GPC5: variants seen among roughly 807,000 people sequenced by gnomAD.
The protein encoded by GPC5 is glypican-5.
GPC5 carries 47 observed loss-of-function variants against 53.9 expected under a neutral mutation model. That is an observed-to-expected ratio of 0.87 (90% CI 0.69 to 1.11). The LOEUF is 1.11. Ranked by LOEUF, GPC5 falls within the 50% of genes most tolerant of loss-of-function variation. The pLI is 0.00. For synonymous variants in GPC5, 286 were observed against 263.3 expected, an observed-to-expected ratio of 1.09 and a Z score of -0.84; for missense variants, 748 against 713.1, an observed-to-expected ratio of 1.05 and a Z score of -0.56.
At chr13:92,404,526 C>T (rs565843453) in intron 7 of GPC5, among the ~76,000 whole-genome samples, 1 of 152,192 alleles carries the variant, frequency 6.6e-6, no homozygotes, top group Non-Finnish European at 1.5e-5. Flanking sequence ...GCATAATATT[C>T]CTTGTATTCA....
chr13:92,507,300 T>C (rs1450639896), intron 7 of GPC5, among the ~76,000 whole-genome samples: 1 of 152,204 alleles, frequency 6.6e-6, no homozygotes, highest in Non-Finnish European at 1.5e-5. Flanking sequence ...TCTATTTACA[T>C]TTTTACTTTT....
chr13:92,589,538 T>C (rs1171802243), intron 7 of GPC5, among the ~76,000 whole-genome samples: 4 of 152,188 alleles, frequency 2.6e-5, no homozygotes, highest in Non-Finnish European at 4.4e-5. Flanking sequence ...GTTTTATTCT[T>C]CCTAAACATC....
At chr13:91,692,923 C>T (rs758200548) in intron 2 of GPC5, among the ~76,000 whole-genome samples, 4 of 152,276 alleles carry the variant, frequency 2.6e-5, no homozygotes, top group Admixed American at 6.5e-5. Context: ...GAATTACAGG[C>T]GTGAGCCACC....
At position 91,919,261 on chromosome 13, in the gene GPC5, A is replaced by G. The variant is rs181148968; in HGVS notation, c.1401+11204A>G. On this transcript the variant is annotated intron_variant, in intron 6 of 7. Coordinates refer to ENST00000377067, the MANE Select transcript of GPC5 (RefSeq NM_004466.6). Reference sequence around the variant, plus strand: ...CAATTCCTATCTGGATTAGAACAATAGTTTCCAAACCAATTTTACAATCAC... The same window carrying G: ...CAATTCCTATCTGGATTAGAACAATGGTTTCCAAACCAATTTTACAATCAC... Among the ~76,000 whole-genome samples, 815 of 152,324 alleles carry G rather than the reference A, an allele frequency of 5.4e-3. 1 individual carries two copies. The highest frequency in any genetic ancestry group is 0.012 in the South Asian group (57 of 4,834).
At chr13:91,399,582 T>C (rs1174268567) in intron 1 of GPC5, among the ~76,000 whole-genome samples, 1 of 152,162 alleles carries the variant, frequency 6.6e-6, no homozygotes, top group Non-Finnish European at 1.5e-5. Context: ...GGGATTTCGG[T>C]TTACTGCTTT....
At position 91,806,128 on chromosome 13, in the gene GPC5, C is replaced by T. The variant is rs374683360; in HGVS notation, c.1280+49708C>T. Among the ~76,000 whole-genome samples the T allele has an allele frequency of 1.1e-4, 17 of 148,278 alleles. No homozygotes were observed. The South Asian group carries it at 2.8e-3, about 24-fold the overall frequency. On this transcript the variant is annotated intron_variant, in intron 5 of 7. Transcript: ENST00000377067. ...TCTGCTCACTGCAACCTCCACCTCC[C>T]GGATTCAAGCGGTTCTCATACCTCA...
At chr13:91,786,465 A>AT (rs941663644) in intron 5 of GPC5, among the ~76,000 whole-genome samples, 4 of 151,860 alleles carry the variant, frequency 2.6e-5, no homozygotes, top group Admixed American at 1.3e-4. Flanking sequence ...TGCCTATTTG[A>AT]TTTTTTTATT....
At chr13:92,610,030 CAAAAAAAAAA>C (rs56913637) in intron 7 of GPC5, among the ~76,000 whole-genome samples, 6 of 70,838 alleles carry the variant, frequency 8.5e-5, no homozygotes, top group Non-Finnish European at 1.5e-4. Flanking sequence ...GACTCCATCT[CAAAAAAAAAA>C]AAAAAAAAAA....
Position 91,828,347 on chromosome 13 carries a change from ATAGGTAGGTAGGTAGG to A in GPC5, c.1280+71952_1280+71967del, listed in dbSNP as rs144877705. 1.4e-3 allele frequency among the ~76,000 whole-genome samples: 216 copies of A among 150,178 alleles called. No individual in the cohort carries two copies. The East Asian group carries it at 0.015, about 10-fold the overall frequency. ...ATGTCCTTCCAATATAGATAGGTAG[ATAGGTAGGTAGGTAGG>A]TAGGTAGGTAGGTAGGTAGGTAGGA... On this transcript the variant is annotated intron_variant, in intron 5 of 7. Transcript: ENST00000377067.
At chr13:92,848,223 T>C (rs1002372055) in intron 7 of GPC5, among the ~76,000 whole-genome samples, 1 of 152,208 alleles carries the variant, frequency 6.6e-6, no homozygotes, top group African/African-American at 2.4e-5. Context: ...TATTGAATTT[T>C]TGTATCTATC....
At chr13:91,581,012 T>C (rs1472958390) in intron 2 of GPC5, among the ~76,000 whole-genome samples, 1 of 152,048 alleles carries the variant, frequency 6.6e-6, no homozygotes, top group South Asian at 2.1e-4. Flanking sequence ...GAAGAATGAG[T>C]AAAAGAGAAA....
intron 2 of GPC5, among the ~76,000 whole-genome samples, chr13:91,555,096 G>A (rs886290385): frequency 6.6e-6 from 1 of 151,940 alleles, no homozygotes; most frequent in African/African-American, 2.4e-5. Flanking sequence ...AGATTCACAT[G>A]TAGTTATAAG....
intron 7 of GPC5, among the ~76,000 whole-genome samples, chr13:92,539,726 G>A (rs964306777): frequency 1.3e-5 from 2 of 151,512 alleles, no homozygotes; most frequent in Non-Finnish European, 2.9e-5. Context: ...CTTTGCCCCA[G>A]TATCTTGGTA....
chr13:92,665,038 GTAGAGTA>G (rs1886524358), intron 7 of GPC5, among the ~76,000 whole-genome samples: 1 of 152,122 alleles, frequency 6.6e-6, no homozygotes, highest in African/African-American at 2.4e-5. Context: ...AATCGAGTTT[GTAGAGTA>G]TAATTTCATC....
At chr13:92,018,923 A>G (rs1464216165) in intron 6 of GPC5, among the ~76,000 whole-genome samples, 35 of 152,228 alleles carry the variant, frequency 2.3e-4, no homozygotes, top group Admixed American at 2.1e-3. Context: ...ACTTAAAATC[A>G]TGAATATGGT....
chr13:92,652,551 C>T (rs570436912), intron 7 of GPC5, among the ~76,000 whole-genome samples: 6 of 152,016 alleles, frequency 3.9e-5, no homozygotes, highest in South Asian at 4.2e-4. Context: ...CCTTCCTGAC[C>T]GTGGTGGACA....
At chr13:92,170,125 G>T (rs2042058935) in intron 7 of GPC5, among the ~76,000 whole-genome samples, 1 of 151,404 alleles carries the variant, frequency 6.6e-6, no homozygotes, top group African/African-American at 2.4e-5. Flanking sequence ...CTAACATATT[G>T]AAAGAATATA....
At chr13:91,446,473 T>C (rs987171225) in intron 1 of GPC5, among the ~76,000 whole-genome samples, 8 of 152,210 alleles carry the variant, frequency 5.3e-5, no homozygotes, top group Non-Finnish European at 7.3e-5. Context: ...GGTTGTGTAC[T>C]CTTGCTGTCT....
chr13:92,849,864 A>G (rs1232740175), intron 7 of GPC5, among the ~76,000 whole-genome samples: 1 of 152,250 alleles, frequency 6.6e-6, no homozygotes, highest in Admixed American at 6.5e-5. Context: ...AATAGTCTTC[A>G]TATCAAGGAT....
Sources: gnomAD v4.1 joint callset for allele counts (sites outside exome capture counted in the v4.1 genomes callset) on GRCh38, gnomAD v4.1.1 for gene constraint, MANE v1.5 for transcripts, NCBI Gene and HGNC (gene_info 2026-07-23, HGNC 2026-07-21) for gene names.